The following FTO variants were observed in gnomAD, a reference collection of about 807,000 sequenced individuals.
The protein encoded by FTO is FTO alpha-ketoglutarate dependent dioxygenase, also known as alpha-ketoglutarate-dependent dioxygenase FTO.
Under a neutral mutation model 63.9 loss-of-function variants are expected in FTO, and 47 were observed. That is an observed-to-expected ratio of 0.74 (90% confidence interval 0.58 to 0.94). The LOEUF is 0.94. Among genes scored for constraint, FTO ranks in the 40% least tolerant of loss-of-function variants. The probability of loss-of-function intolerance (pLI) is 0.00; values close to 1 mark genes in which losing one functional copy is unlikely to be tolerated. For synonymous variants in FTO, 207 were observed against 224.4 expected (o/e 0.92, Z 0.69); for missense variants, 562 against 618.1 (o/e 0.91, Z 0.96).
intron 3 of FTO, among the ~76,000 whole-genome samples, chr16:53,837,174 G>A (rs892215549): frequency 6.6e-6 from 1 of 152,124 alleles, no homozygotes; most frequent in Non-Finnish European, 1.5e-5. Flanking sequence ...CTAATGGCCC[G>A]CATAGCAGTT....
At chr16:54,052,801 G>A (rs1047091188) in intron 8 of FTO, 1 of 152,210 alleles carries the variant, frequency 6.6e-6, no homozygotes, top group Non-Finnish European at 1.5e-5. Flanking sequence ...CTGGGTTCAA[G>A]AGATTCTCCT....
intron 5 of FTO, among the ~76,000 whole-genome samples, chr16:53,876,167 A>G (rs1167624475): frequency 6.6e-6 from 1 of 152,220 alleles, no homozygotes; most frequent in African/African-American, 2.4e-5. Context: ...TCCTCAGGCC[A>G]ACCAGCCCCT....
chr16:53,758,411 T>TG (rs2076973262), intron 1 of FTO, among the ~76,000 whole-genome samples: 1 of 152,182 alleles, frequency 6.6e-6, no homozygotes, highest in South Asian at 2.1e-4. Context: ...CTCTGTTGTT[T>TG]GGGGAGGTTA....
At chr16:54,067,626 T>G (rs2085764515) in intron 8 of FTO, among the ~76,000 whole-genome samples, 1 of 152,226 alleles carries the variant, frequency 6.6e-6, no homozygotes, top group Non-Finnish European at 1.5e-5. Context: ...ACATAAAAAT[T>G]GCTCTCTAGT....
At chr16:53,808,611 G>C (rs557848089) in intron 1 of FTO, among the ~76,000 whole-genome samples, 6 of 152,236 alleles carry the variant, frequency 3.9e-5, no homozygotes, top group African/African-American at 1.4e-4. Flanking sequence ...ATTGTGATGG[G>C]TTTGTGAGAG....
intron 8 of FTO, among the ~76,000 whole-genome samples, chr16:54,058,123 G>C (rs1440978606): frequency 6.6e-6 from 1 of 151,828 alleles, no homozygotes; most frequent in Non-Finnish European, 1.5e-5. Context: ...ATTTTTTGAG[G>C]GGGGAGACAG....
At chr16:53,721,733 A>G (rs147507402) in intron 1 of FTO, among the ~76,000 whole-genome samples, 175 of 152,236 alleles carry the variant, frequency 1.1e-3, no homozygotes, top group African/African-American at 3.8e-3. Context: ...CTGGGTAGGT[A>G]TTTCATACTC....
intron 7 of FTO, among the ~76,000 whole-genome samples, chr16:53,890,925 T>G (rs2081127856): frequency 6.6e-6 from 1 of 152,174 alleles, no homozygotes; most frequent in Non-Finnish European, 1.5e-5. Flanking sequence ...TCAGCTTGAC[T>G]TTGAAGTTGT....
chr16:53,705,053 G>A (rs756204013), intron 1 of FTO, among the ~76,000 whole-genome samples: 7 of 150,742 alleles, frequency 4.6e-5, no homozygotes, highest in African/African-American at 7.3e-5. Flanking sequence ...CTTGGACCAA[G>A]CTACCATTAT....
At chr16:53,858,660 C>T (rs1567368753) in intron 4 of FTO, among the ~76,000 whole-genome samples, 1 of 150,936 alleles carries the variant, frequency 6.6e-6, no homozygotes, top group Non-Finnish European at 1.5e-5. Context: ...GCTTTCTTTT[C>T]TTTTTTTTTC....
intron 8 of FTO, among the ~76,000 whole-genome samples, chr16:54,062,877 T>C (rs1449425597): frequency 6.6e-6 from 1 of 152,166 alleles, no homozygotes; most frequent in East Asian, 1.9e-4. Flanking sequence ...TAGATAGTCA[T>C]GAAGGATTGG....
intron 1 of FTO, among the ~76,000 whole-genome samples, chr16:53,791,733 A>C (rs1434152866): frequency 2.6e-5 from 4 of 152,208 alleles, no homozygotes; most frequent in Non-Finnish European, 5.9e-5. Flanking sequence ...CATGCTGATG[A>C]AGTTACAGAG....
At chr16:53,866,496 A>G (rs564426928) in intron 4 of FTO, among the ~76,000 whole-genome samples, 1 of 152,214 alleles carries the variant, frequency 6.6e-6, no homozygotes, top group African/African-American at 2.4e-5. Flanking sequence ...CAGTGAACAT[A>G]TTTGGGCCTG....
At chr16:53,858,941 G>T (rs535035597) in intron 4 of FTO, among the ~76,000 whole-genome samples, 1 of 152,122 alleles carries the variant, frequency 6.6e-6, no homozygotes, top group African/African-American at 2.4e-5. Flanking sequence ...TTACAGGCAT[G>T]AGCCACCTTG....
At chr16:53,855,633 GGTTTTGAAATT>G (rs1165747303) in intron 4 of FTO, among the ~76,000 whole-genome samples, 1 of 152,056 alleles carries the variant, frequency 6.6e-6, no homozygotes, top group Non-Finnish European at 1.5e-5. Flanking sequence ...GCCTGGGAAA[GGTTTTGAAATT>G]CCTTCTCAAA....
chr16:53,948,975 T>C (rs538399821), intron 8 of FTO, among the ~76,000 whole-genome samples: 1 of 152,342 alleles, frequency 6.6e-6, no homozygotes, highest in South Asian at 2.1e-4. Context: ...TGTGTACGTG[T>C]GTGTTGCCTT....
intron 7 of FTO, among the ~76,000 whole-genome samples, chr16:53,910,543 G>A (rs892522369): frequency 6.6e-6 from 1 of 152,088 alleles, no homozygotes. Context: ...AGTTTTTGTT[G>A]ATTGTTAGTT....
chr16:53,767,442 A>G (rs1375109211), intron 1 of FTO, among the ~76,000 whole-genome samples: 1 of 152,240 alleles, frequency 6.6e-6, no homozygotes, highest in Non-Finnish European at 1.5e-5. Flanking sequence ...AGCATGGCAC[A>G]TGTATACATA....
intron 1 of FTO, among the ~76,000 whole-genome samples, chr16:53,751,893 C>G (rs573415231): frequency 6.6e-6 from 1 of 152,316 alleles, no homozygotes; most frequent in African/African-American, 2.4e-5. Context: ...CTGATTCAAG[C>G]TGCAGTCAGG....
Sources: allele counts gnomAD v4.1 joint callset (sites outside exome capture counted in the v4.1 genomes callset), GRCh38; gene constraint gnomAD v4.1.1; transcripts MANE v1.5; gene names NCBI Gene and HGNC (gene_info 2026-07-23, HGNC 2026-07-21).